CEP112: variants seen among roughly 807,000 people sequenced by gnomAD.
The protein encoded by CEP112 is centrosomal protein of 112 kDa.
CEP112 carries 127 observed loss-of-function variants against 153.0 expected under a neutral mutation model. The ratio of observed to expected loss-of-function variants is 0.83; its 90% confidence interval spans 0.72 to 0.96. CEP112 has a LOEUF of 0.96. Among genes scored for constraint, CEP112 ranks in the 40% least tolerant of loss-of-function variants. The probability of loss-of-function intolerance (pLI) is 0.00; values close to 1 mark genes in which losing one functional copy is unlikely to be tolerated. For missense variants in CEP112, 1,089 were observed against 1,101.2 expected (o/e 0.99, Z 0.16); for synonymous variants, 358 against 374.4 (o/e 0.96, Z 0.51).
chr17:65,878,795 T>C (rs776792962), intron 20 of CEP112, among the ~76,000 whole-genome samples: 2 of 151,180 alleles, frequency 1.3e-5, no homozygotes, highest in Non-Finnish European at 2.9e-5. Flanking sequence ...AACCTACAGA[T>C]TGTAGGCAGT....
intron 18 of CEP112, among the ~76,000 whole-genome samples, chr17:65,944,235 T>C (rs959026218): frequency 1.3e-5 from 2 of 152,182 alleles, no homozygotes; most frequent in Non-Finnish European, 2.9e-5. Flanking sequence ...CCTTAAGTGA[T>C]GGGTTGAAAG....
intron 21 of CEP112, among the ~76,000 whole-genome samples, chr17:65,783,479 C>T (rs2054110615): frequency 6.6e-6 from 1 of 152,136 alleles, no homozygotes; most frequent in South Asian, 2.1e-4. Flanking sequence ...CAAACAAATA[C>T]TTGTACACAA....
intron 8 of CEP112, among the ~76,000 whole-genome samples, chr17:66,072,078 A>G (rs1468411330): frequency 6.6e-6 from 1 of 152,044 alleles, no homozygotes; most frequent in East Asian, 1.9e-4. Context: ...AGATTTACCA[A>G]TTTTTTATAT....
intron 21 of CEP112, among the ~76,000 whole-genome samples, chr17:65,794,346 CT>C (rs1375031008): frequency 6.6e-6 from 1 of 152,222 alleles, no homozygotes; most frequent in African/African-American, 2.4e-5. Flanking sequence ...TCTCCTTCCA[CT>C]GGCTCATTTC....
At chr17:66,153,233 T>C (rs1224461276) in intron 4 of CEP112, among the ~76,000 whole-genome samples, 1 of 152,106 alleles carries the variant, frequency 6.6e-6, no homozygotes, top group Non-Finnish European at 1.5e-5. Context: ...AAATTTGCAA[T>C]GAACTTCCAA....
At chr17:65,855,751 G>T (rs2058100733) in intron 20 of CEP112, among the ~76,000 whole-genome samples, 1 of 152,180 alleles carries the variant, frequency 6.6e-6, no homozygotes, top group South Asian at 2.1e-4. Flanking sequence ...AATTGGAACA[G>T]ATGAAACAAG....
chr17:65,979,153 C>G (rs893404647), intron 17 of CEP112, among the ~76,000 whole-genome samples: 10 of 151,470 alleles, frequency 6.6e-5, no homozygotes, highest in African/African-American at 2.2e-4. Flanking sequence ...CTGCTCCCCA[C>G]CCCCACCATT....
chr17:65,961,361 G>A, intron 18 of CEP112, 102 bp downstream of exon 18: 1 of 1,167,828 alleles, frequency 8.6e-7, no homozygotes, highest in Non-Finnish European at 1.2e-6. Context: ...TTTTGATACA[G>A]CTCTTTTAAA....
intron 17 of CEP112, among the ~76,000 whole-genome samples, chr17:65,998,626 CTAAG>C (rs1438285941): frequency 1.3e-5 from 2 of 151,698 alleles, no homozygotes; most frequent in Non-Finnish European, 2.9e-5. Flanking sequence ...CAATGAGAAA[CTAAG>C]TAAACAGAGC....
intron 3 of CEP112, among the ~76,000 whole-genome samples, chr17:66,176,252 C>T (rs2072467948): frequency 6.6e-6 from 1 of 152,168 alleles, no homozygotes; most frequent in Non-Finnish European, 1.5e-5. Flanking sequence ...TACAGGCACT[C>T]AAATACCAAA....
chr17:65,968,886 G>A (rs1464297205), intron 17 of CEP112, among the ~76,000 whole-genome samples: 5 of 151,940 alleles, frequency 3.3e-5, no homozygotes, highest in Non-Finnish European at 7.4e-5. Context: ...TTAATTAGCT[G>A]AATTTATAAT....
intron 21 of CEP112, among the ~76,000 whole-genome samples, chr17:65,789,462 C>T (rs2054473092): frequency 6.6e-6 from 1 of 152,154 alleles, no homozygotes; most frequent in African/African-American, 2.4e-5. Context: ...TTAGCAAATA[C>T]TAAAGTTCAA....
At chr17:65,877,680 GAACACTATGTAAAAA>G (rs1439456738) in intron 20 of CEP112, among the ~76,000 whole-genome samples, 1 of 152,108 alleles carries the variant, frequency 6.6e-6, no homozygotes, top group Non-Finnish European at 1.5e-5. Context: ...CCCTATGTAA[GAACACTATGTAAAAA>G]AACACTATGT....
chr17:65,726,960 C>T (rs1314876458), intron 23 of CEP112, among the ~76,000 whole-genome samples: 3 of 152,144 alleles, frequency 2.0e-5, no homozygotes, highest in Non-Finnish European at 4.4e-5. Context: ...AACAATCCTG[C>T]AAAGATATTG....
chr17:66,153,401 C>T (rs1356801148), intron 4 of CEP112, among the ~76,000 whole-genome samples: 2 of 133,044 alleles, frequency 1.5e-5, no homozygotes, highest in Admixed American at 1.6e-4. Flanking sequence ...ACTTCAAAAA[C>T]AATATTGTAA....
At position 66,141,398 on chromosome 17, in the gene CEP112, A is replaced by G. The variant is rs1012135520; in HGVS notation, c.471-8635T>C. 3.4e-5 allele frequency among the ~76,000 whole-genome samples: 4 copies of G among 116,554 alleles called. No homozygotes were observed. In the South Asian group the frequency reaches 7.1e-4, roughly 21 times the overall value. 76.5% of individuals were successfully genotyped at this position (116,554 alleles called of 152,430 possible). ...TTTTAGAAATTTCTCTTTTTAAAAT[A>G]GTTTTTTTCTTTTATTGTGGTAAAA... On this transcript the variant is annotated intron_variant, in intron 4 of 26. Coordinates refer to ENST00000535342, the MANE Select transcript of CEP112 (RefSeq NM_001199165.4).
chr17:66,016,628 A>ACAGCCTGCTTCAC (rs2064786151), intron 16 of CEP112, among the ~76,000 whole-genome samples: 1 of 152,130 alleles, frequency 6.6e-6, no homozygotes, highest in African/African-American at 2.4e-5. Flanking sequence ...GATATGTTAC[A>ACAGCCTGCTTCAC]TGGGAAACCA....
intron 21 of CEP112, among the ~76,000 whole-genome samples, chr17:65,771,648 T>C (rs1478161355): frequency 2.6e-5 from 4 of 152,114 alleles, no homozygotes; most frequent in Non-Finnish European, 5.9e-5. Flanking sequence ...GAAATTAAAT[T>C]AGAAATCCAT....
intron 11 of CEP112, among the ~76,000 whole-genome samples, chr17:66,056,895 A>G (rs1018747216): frequency 6.6e-6 from 1 of 152,232 alleles, no homozygotes; most frequent in Non-Finnish European, 1.5e-5. Context: ...CATGTAAATC[A>G]TAACTCAATA....
Sources: gnomAD v4.1 joint callset for allele counts (sites outside exome capture counted in the v4.1 genomes callset) on GRCh38, gnomAD v4.1.1 for gene constraint, MANE v1.5 for transcripts, NCBI Gene and HGNC (gene_info 2026-07-23, HGNC 2026-07-21) for gene names.